The following FRYL variants were observed in gnomAD, a reference collection of about 807,000 sequenced individuals.
FRYL encodes the protein protein furry homolog-like.
A neutral mutation model predicts 351.2 loss-of-function variants in FRYL; 150 were observed. That is an observed-to-expected ratio of 0.43 (90% confidence interval 0.37 to 0.49). The LOEUF is 0.49. FRYL is among the 20% of genes least tolerant of loss of function. The probability of loss-of-function intolerance (pLI) is 0.00; values close to 1 mark genes in which losing one functional copy is unlikely to be tolerated. For synonymous variants in FRYL, 1,153 were observed against 1,257.1 expected (o/e 0.92, Z 1.75); for missense variants, 3,036 against 3,619.3 (o/e 0.84, Z 4.13).
intron 54 of FRYL, 55 bp from the exon 55 acceptor site, chr4:48,521,270 A>G: frequency 7.7e-7 from 1 of 1,294,982 alleles, no homozygotes; most frequent in Non-Finnish European, 1.1e-6. Flanking sequence ...AAGCCACAGG[A>G]AACATTCTCT....
In FRYL at chr4:48,779,326, G is replaced by C. The variant is rs529163162; in HGVS notation, c.-384+752C>G. 3.3e-5 allele frequency among the ~76,000 whole-genome samples: 5 copies of C among 152,326 alleles called. No individual in the cohort carries two copies. The South Asian group carries it at 8.3e-4, about 25-fold the overall frequency. ...GGCAATCTACAGGCCGAGTCAGCTC[G>C]CGGGCGGTGGCCGCGGTGTCCGCAG... On this transcript the variant is annotated intron_variant, in intron 1 of 63. Coordinates refer to ENST00000358350, the MANE Select transcript of FRYL (RefSeq NM_015030.2).
intron 2 of FRYL, among the ~76,000 whole-genome samples, chr4:48,704,646 T>A (rs762040792): frequency 3.3e-5 from 5 of 151,948 alleles, no homozygotes; most frequent in African/African-American, 4.8e-5. Flanking sequence ...ACCCTGTCTC[T>A]ACTAAAAAAT....
rs777337082 is a variant in FRYL, at chr4:48,512,577, TTCA to T, written c.8046_8048del (p.Asp2682del). 5.0e-6 allele frequency: 8 copies of T among 1,614,004 alleles called. No individual in the cohort carries two copies. Among genetic ancestry groups the T allele is most frequent in the East Asian group, 2.2e-5 (1 of 44,878 alleles). On this transcript the variant is annotated inframe_deletion, in exon 57 of 64. Coordinates refer to ENST00000358350, the MANE Select transcript of FRYL (RefSeq NM_015030.2). ...TGACGTGGCAGCGCCAGGCTTCCTC[TTCA>T]TCATCATATGCCACGGGCTGAAAGG...
intron 4 of FRYL, among the ~76,000 whole-genome samples, chr4:48,625,501 C>T (rs1371156252): frequency 6.6e-6 from 1 of 152,168 alleles, no homozygotes; most frequent in Non-Finnish European, 1.5e-5. Context: ...TGCATCTGTA[C>T]TGAACATGTA....
intron 57 of FRYL, 124 bp from the exon 58 acceptor site, chr4:48,511,108 T>C: frequency 1.8e-6 from 1 of 554,044 alleles, no homozygotes; most frequent in South Asian, 3.2e-5. Context: ...AGAACTTTAA[T>C]CATTGATCTA....
chr4:48,519,734 C>A (rs1283454608), intron 55 of FRYL, among the ~76,000 whole-genome samples: 2 of 149,986 alleles, frequency 1.3e-5, no homozygotes, highest in Non-Finnish European at 3.0e-5. Flanking sequence ...ATCTCTCTCT[C>A]GCTCTTTTTT....
chr4:48,769,724 T>C (rs556066471), intron 1 of FRYL, among the ~76,000 whole-genome samples: 2 of 152,336 alleles, frequency 1.3e-5, no homozygotes, highest in South Asian at 2.1e-4. Context: ...GCTACGTTCA[T>C]ACAATAAATA....
intron 3 of FRYL, among the ~76,000 whole-genome samples, chr4:48,673,174 G>A (rs1762995926): frequency 6.6e-6 from 1 of 152,154 alleles, no homozygotes; most frequent in African/African-American, 2.4e-5. Context: ...TAAAAGTCAT[G>A]TAAAATAGCC....
chr4:48,595,563 A>T (rs760038018), intron 15 of FRYL, 27 bp downstream of exon 15: 6 of 1,317,362 alleles, frequency 4.6e-6, no homozygotes, highest in Non-Finnish European at 6.5e-6. Context: ...ATTTATATAC[A>T]TACATACTAT....
At chr4:48,501,553 CAAGT>C (rs754467831) in intron 62 of FRYL, 66 bp downstream of exon 62, 9 of 832,966 alleles carry the variant, frequency 1.1e-5, no homozygotes, top group African/African-American at 1.7e-5. Flanking sequence ...GCTATTTTAA[CAAGT>C]AATAGATTTT....
chr4:48,682,891 C>T (rs1355567772), intron 3 of FRYL, among the ~76,000 whole-genome samples: 1 of 152,070 alleles, frequency 6.6e-6, no homozygotes, highest in East Asian at 1.9e-4. Flanking sequence ...CTAGAAATAC[C>T]ATTTGACCCA....
rs1727547877 is a variant in FRYL, at chr4:48,531,283, G to T, written c.6776C>A (p.Pro2259His). The T allele has an allele frequency of 6.2e-7, 1 of 1,613,230 alleles. No individual in the cohort carries two copies. The highest frequency in any genetic ancestry group is 8.5e-7 in the Non-Finnish European group (1 of 1,179,464). ...TCCATAGGTCTTGGGGATATCACTG[G>T]GTACGACAAGACTCGCAGAGCGTGA... Reference protein sequence around the residue: ...VVSRSASLVVPSDIPKTYGGD... With the variant: ...VVSRSASLVVHSDIPKTYGGD... Residue 2259 changes from proline to histidine, a missense_variant, in exon 50 of 64, where the codon CCC becomes CAC. Pro to His is a moderately conservative substitution (Grantham distance 77). This residue lies in a region of FRYL where 1,987 missense variants were observed against 2,311.7 expected (regional missense o/e 0.86). Transcript: ENST00000358350.
chr4:48,779,534 C>T (rs548693022), intron 1 of FRYL, among the ~76,000 whole-genome samples: 2 of 151,972 alleles, frequency 1.3e-5, no homozygotes, highest in African/African-American at 2.4e-5. Flanking sequence ...CCAGCCCTGC[C>T]CGCCGGGGCC....
intron 6 of FRYL, 126 bp from the exon 7 acceptor site, chr4:48,619,496 G>T: frequency 1.9e-6 from 1 of 521,468 alleles, no homozygotes; most frequent in South Asian, 3.7e-5. Flanking sequence ...TTGTTAATAT[G>T]AAGCTTTTTG....
intron 1 of FRYL, among the ~76,000 whole-genome samples, chr4:48,776,121 T>C (rs1334206693): frequency 2.0e-5 from 3 of 149,196 alleles, no homozygotes; most frequent in Non-Finnish European, 3.0e-5. Context: ...TACAATGTGA[T>C]AGGAGCAGTG....
chr4:48,703,329 A>C (rs1386940013), intron 2 of FRYL, among the ~76,000 whole-genome samples: 1 of 152,312 alleles, frequency 6.6e-6, no homozygotes, highest in Admixed American at 6.5e-5. Context: ...ATAACTGAAC[A>C]AATAGGCACC....
At chr4:48,763,456 T>C (rs1478126109) in intron 1 of FRYL, among the ~76,000 whole-genome samples, 1 of 152,150 alleles carries the variant, frequency 6.6e-6, no homozygotes, top group Non-Finnish European at 1.5e-5. Context: ...AGTGTGACCT[T>C]GTCTCTTAAA....
At position 48,581,413 on chromosome 4, in the gene FRYL, A is replaced by T. The variant is rs201194679; in HGVS notation, c.2172+7T>A. The T allele has an allele frequency of 1.5e-5, 24 of 1,598,076 alleles. No homozygotes were observed. Among genetic ancestry groups the T allele is most frequent in the Non-Finnish European group, 2.0e-5 (24 of 1,172,246 alleles). On this transcript the variant is annotated splice_region_variant and intron_variant, in intron 21 of 63. Coordinates refer to ENST00000358350, the MANE Select transcript of FRYL (RefSeq NM_015030.2). ...ATAGATAACTGAATGAAATACCTAA[A>T]TCTTACCTTAGGTATTTCCAGAAGT...
At chr4:48,771,902 G>C (rs1775554779) in intron 1 of FRYL, among the ~76,000 whole-genome samples, 1 of 152,162 alleles carries the variant, frequency 6.6e-6, no homozygotes, top group Admixed American at 6.5e-5. Flanking sequence ...CAAACAAAGA[G>C]ATAACAGTTA....
Sources: allele counts gnomAD v4.1 joint callset (sites outside exome capture counted in the v4.1 genomes callset), GRCh38; gene constraint gnomAD v4.1.1; regional missense constraint gnomAD v4.1.1; transcripts MANE v1.5; gene names NCBI Gene and HGNC (gene_info 2026-07-23, HGNC 2026-07-21).